GRM7: variants seen among roughly 807,000 people sequenced by gnomAD.
The protein encoded by GRM7 is metabotropic glutamate receptor 7.
Under a neutral mutation model 84.5 loss-of-function variants are expected in GRM7, and 35 were observed. The ratio of observed to expected loss-of-function variants is 0.41; its 90% CI spans 0.32 to 0.55. The LOEUF is 0.55. GRM7 is among the 20% of genes least tolerant of loss of function. The pLI, the probability that GRM7 is intolerant of heterozygous loss-of-function variation, is 0.19. For synonymous variants in GRM7, 487 were observed against 455.1 expected (o/e 1.07, Z -0.89); for missense variants, 1,003 against 1,194.6 (o/e 0.84, Z 2.36).
At chr3:7,024,914 T>C (rs1458000020) in intron 1 of GRM7, among the ~76,000 whole-genome samples, 1 of 152,192 alleles carries the variant, frequency 6.6e-6, no homozygotes, top group Non-Finnish European at 1.5e-5. Context: ...ACGATGTAAA[T>C]GTATTATCTC....
intron 4 of GRM7, among the ~76,000 whole-genome samples, chr3:7,350,546 A>C (rs1693093736): frequency 6.6e-6 from 1 of 152,076 alleles, no homozygotes; most frequent in South Asian, 2.1e-4. Flanking sequence ...CTTCCTGTAT[A>C]GCCTGCAAAA....
In GRM7 at chr3:7,423,109, A is replaced by C. The variant is rs373836451; in HGVS notation, c.1174+7946A>C. Reference sequence around the variant, plus strand: ...GCCACCAACTCTTCAAAGCATAAAAAGGGGTCTCTACTGAATGCCATTTTA... The same window carrying C: ...GCCACCAACTCTTCAAAGCATAAAACGGGGTCTCTACTGAATGCCATTTTA... On this transcript the variant is annotated intron_variant, in intron 5 of 9. Transcript: ENST00000357716. Among the ~76,000 whole-genome samples the C allele has an allele frequency of 9.0e-4, 137 of 152,288 alleles. 5 individuals are homozygous for C. The South Asian group carries it at 0.026, about 29-fold the overall frequency.
At chr3:6,949,919 C>T (rs893215737) in intron 1 of GRM7, among the ~76,000 whole-genome samples, 11 of 152,280 alleles carry the variant, frequency 7.2e-5, no homozygotes, top group African/African-American at 1.7e-4. Context: ...GTTCCTTTAA[C>T]GACTTCTCTG....
At chr3:7,690,813 T>C (rs73809654) in intron 9 of GRM7, among the ~76,000 whole-genome samples, 1,646 of 152,318 alleles carry the variant, frequency 0.011, 40 homozygotes, top group African/African-American at 0.038. Context: ...TTTCTGACTG[T>C]TGAGTGCATT....
intron 8 of GRM7, among the ~76,000 whole-genome samples, chr3:7,649,466 A>C (rs903535933): frequency 1.6e-4 from 24 of 152,186 alleles, no homozygotes; most frequent in African/African-American, 5.8e-4. Context: ...TGAAGGTTTC[A>C]AAAAATATTA....
rs533492202 is a variant in GRM7, at chr3:7,155,878, A to G, written c.736+9210A>G. 3.3e-5 allele frequency among the ~76,000 whole-genome samples: 5 copies of G among 152,262 alleles called. No individual in the cohort carries two copies. In the South Asian group the frequency reaches 1.0e-3, roughly 32 times the overall value. ...TAATAGTTTGACCTTGCGTAGCTCC[A>G]AGTTTGTCTATTTCCAATTATTCAT... On this transcript the variant is annotated intron_variant, in intron 2 of 9. Transcript: ENST00000357716.
chr3:7,530,282 T>A (rs1187588276), intron 7 of GRM7, among the ~76,000 whole-genome samples: 1 of 152,184 alleles, frequency 6.6e-6, no homozygotes, highest in Non-Finnish European at 1.5e-5. Context: ...TTATCCTTTT[T>A]ATGGCTGCAT....
At chr3:7,393,928 G>C (rs1695103699) in intron 4 of GRM7, among the ~76,000 whole-genome samples, 1 of 152,298 alleles carries the variant, frequency 6.6e-6, no homozygotes, top group South Asian at 2.1e-4. Context: ...AGCATTACCA[G>C]TAGTAATTAT....
chr3:7,582,410 G>A (rs890146893), intron 8 of GRM7, among the ~76,000 whole-genome samples: 5 of 152,100 alleles, frequency 3.3e-5, no homozygotes, highest in African/African-American at 7.2e-5. Flanking sequence ...GACATGCTTT[G>A]TGCAATGTGA....
At chr3:7,384,448 T>G (rs1030190254) in intron 4 of GRM7, among the ~76,000 whole-genome samples, 1 of 152,184 alleles carries the variant, frequency 6.6e-6, no homozygotes, top group South Asian at 2.1e-4. Flanking sequence ...TGCTGTCCAA[T>G]AGAAATATAA....
chr3:7,262,412 A>G (rs1698466728), intron 2 of GRM7, among the ~76,000 whole-genome samples: 2 of 152,110 alleles, frequency 1.3e-5, no homozygotes, highest in African/African-American at 4.8e-5. Context: ...TTGTGATTGC[A>G]TTATGAAATT....
At chr3:6,963,509 C>T (rs1023937662) in intron 1 of GRM7, among the ~76,000 whole-genome samples, 3 of 152,144 alleles carry the variant, frequency 2.0e-5, no homozygotes, top group Non-Finnish European at 2.9e-5. Context: ...TCTGTAGTCC[C>T]AGCAACTTTG....
intron 1 of GRM7, among the ~76,000 whole-genome samples, chr3:7,033,542 C>T (rs1317217835): frequency 6.6e-6 from 1 of 152,140 alleles, no homozygotes; most frequent in Non-Finnish European, 1.5e-5. Flanking sequence ...CAAGTTCATT[C>T]TTCTTGAAAC....
chr3:7,318,757 G>T (rs1178779690), intron 4 of GRM7, among the ~76,000 whole-genome samples: 1 of 151,910 alleles, frequency 6.6e-6, no homozygotes, highest in Non-Finnish European at 1.5e-5. Flanking sequence ...AGTAGAAACT[G>T]TTTTTTCCTT....
rs190577304 is a variant in GRM7, at chr3:7,117,054, G to C, written c.520-29398G>C. On this transcript the variant is annotated intron_variant, in intron 1 of 9. Transcript: ENST00000357716. ...ATTAGGAGTAGATTGGGAAGTGTTG[G>C]GGTTAAGCACTGACTTCATCACACG... Among the ~76,000 whole-genome samples the C allele has an allele frequency of 3.9e-5, 6 of 152,234 alleles. 1 individual carries two copies. The highest frequency in any genetic ancestry group is 1.9e-4 in the East Asian group (1 of 5,168).
At position 7,578,436 on chromosome 3, in the gene GRM7, G is replaced by A; in HGVS notation, c.1530G>A (p.Gln510=). Residue 510 remains glutamine, a synonymous_variant, in exon 8 of 10, where the codon CAG becomes CAA. Transcript: ENST00000357716. ...TTATGTTACAGATAGAAGACATGCA[G>A]TGGGGTAAAGGAGTCCGAGAGATAC... ...DELQLNIEDM[Q]WGKGVREIPA... The A allele has an allele frequency of 6.2e-7, 1 of 1,605,542 alleles. No homozygotes were observed. Among genetic ancestry groups the A allele is most frequent in the Non-Finnish European group, 8.5e-7 (1 of 1,173,928 alleles).
intron 7 of GRM7, among the ~76,000 whole-genome samples, chr3:7,462,302 C>T (rs1025134002): frequency 2.6e-5 from 4 of 152,152 alleles, no homozygotes; most frequent in African/African-American, 9.7e-5. Context: ...TCTCTCTTAG[C>T]CTTTTTGTTC....
chr3:7,691,619 T>TAAC (rs1368618865), intron 9 of GRM7, among the ~76,000 whole-genome samples: 1 of 152,162 alleles, frequency 6.6e-6, no homozygotes, highest in Admixed American at 6.5e-5. Context: ...GTACATAAGA[T>TAAC]AACATTGTTG....
chr3:7,426,339 A>G (rs761892501), intron 5 of GRM7, among the ~76,000 whole-genome samples: 1 of 152,092 alleles, frequency 6.6e-6, no homozygotes, highest in Non-Finnish European at 1.5e-5. Flanking sequence ...GGTTTCTACA[A>G]GACTAAAACC....
Sources: gnomAD v4.1 joint callset for allele counts (sites outside exome capture counted in the v4.1 genomes callset) on GRCh38, gnomAD v4.1.1 for gene constraint, MANE v1.5 for transcripts, NCBI Gene and HGNC (gene_info 2026-07-23, HGNC 2026-07-21) for gene names.